ABLIM2: variants seen among roughly 807,000 people sequenced by gnomAD.
The protein encoded by ABLIM2 is actin binding LIM protein family member 2, also known as actin-binding LIM protein 2.
A neutral mutation model predicts 97.7 loss-of-function variants in ABLIM2; 53 were observed. That is an observed-to-expected ratio of 0.54 (90% confidence interval 0.44 to 0.68). ABLIM2 has a LOEUF of 0.68. Among genes scored for constraint, ABLIM2 ranks in the 30% least tolerant of loss-of-function variants. The probability of loss-of-function intolerance (pLI) is 0.00; values close to 1 mark genes in which losing one functional copy is unlikely to be tolerated. For missense variants in ABLIM2, 835 were observed against 867.2 expected (o/e 0.96, Z 0.47); for synonymous variants, 361 against 345.8 (o/e 1.04, Z -0.49).
In ABLIM2 at chr4:8,124,735, G is replaced by A. The variant is rs907131277; in HGVS notation, c.11-18098C>T. On this transcript the variant is annotated intron_variant, in intron 1 of 20. Transcript: ENST00000447017. The surrounding 1 kb of genome is among the most constrained non-coding windows in gnomAD (Gnocchi z 6.1). ...TATGAACATTCGAGTGTGAATATTC[G>A]TGTGGACATAGGTTTGCATGCTTTT... Among the ~76,000 whole-genome samples the A allele has an allele frequency of 7.2e-5, 11 of 152,300 alleles. No homozygotes were observed. Among genetic ancestry groups the A allele is most frequent in the South Asian group, 2.1e-4 (1 of 4,828 alleles).
intron 16 of ABLIM2, among the ~76,000 whole-genome samples, chr4:7,995,650 T>G (rs1752774889): frequency 6.6e-6 from 1 of 152,138 alleles, no homozygotes; most frequent in Admixed American, 6.5e-5. Context: ...GTGGAAAGGT[T>G]CCACATGGGG....
At chr4:8,020,708 C>A in intron 12 of ABLIM2, 1 of 232,444 alleles carries the variant, frequency 4.3e-6, no homozygotes, top group Non-Finnish European at 8.5e-6. Flanking sequence ...TGCTGTTTTC[C>A]TTGAGAATCT....
chr4:8,137,872 T>C (rs1295734910), intron 1 of ABLIM2, among the ~76,000 whole-genome samples: 1 of 152,214 alleles, frequency 6.6e-6, no homozygotes, highest in Non-Finnish European at 1.5e-5. Flanking sequence ...ACACCCACGT[T>C]CACAGCAGCC....
At position 8,071,940 on chromosome 4, in the gene ABLIM2, G is replaced by A. The variant is rs914667770; in HGVS notation, c.675+5688C>T. ...CACCCAGCGGGGCACCGGCACACTG[G>A]GCCGAGCATCAGGCAGTGCCACCGC... On this transcript the variant is annotated intron_variant, in intron 6 of 20. Transcript: ENST00000447017. The surrounding 1 kb of genome is among the most constrained non-coding windows in gnomAD (Gnocchi z 6.2). The A allele has an allele frequency of 3.0e-6, 3 of 985,316 alleles. No individual in the cohort carries two copies. Among genetic ancestry groups the A allele is most frequent in the Non-Finnish European group, 1.2e-6 (1 of 829,994 alleles). 61.0% of individuals were successfully genotyped at this position (985,316 alleles called of 1,614,324 possible). A position where few individuals can be genotyped will look rare whatever the true frequency, so the allele number is the denominator to read the frequency against.
In ABLIM2 at chr4:8,075,471, T is replaced by C. The variant is rs1434731340; in HGVS notation, c.675+2157A>G. 1.3e-5 allele frequency among the ~76,000 whole-genome samples: 2 copies of C among 152,162 alleles called. No individual in the cohort carries two copies. The highest frequency in any genetic ancestry group is 2.4e-5 in the African/African-American group (1 of 41,442). ...ACTTTGGGCGGTGAAGGCAGGTGAA[T>C]TGCTTAAGTTCAGGAGCTCGAGACC... On this transcript the variant is annotated intron_variant, in intron 6 of 20. Coordinates refer to ENST00000447017, the MANE Select transcript of ABLIM2 (RefSeq NM_001130083.2). This position sits in a 1 kb window ranked among gnomAD's most constrained non-coding sequence, Gnocchi z 4.4.
chr4:8,144,439 G>A (rs1851474440), intron 1 of ABLIM2, among the ~76,000 whole-genome samples: 1 of 152,230 alleles, frequency 6.6e-6, no homozygotes, highest in Non-Finnish European at 1.5e-5. Flanking sequence ...AAGGCGTGGA[G>A]GAGAATCACA....
At chr4:8,012,486 TCATC>T (rs1231789277) in intron 14 of ABLIM2, among the ~76,000 whole-genome samples, 20 of 120,690 alleles carry the variant, frequency 1.7e-4, no homozygotes, top group African/African-American at 4.1e-4. Context: ...CATCCTTCAC[TCATC>T]CATCCATCCA....
At chr4:8,070,165 G>C (rs1160683963) in intron 6 of ABLIM2, among the ~76,000 whole-genome samples, 2 of 151,910 alleles carry the variant, frequency 1.3e-5, no homozygotes, top group African/African-American at 4.8e-5. Context: ...GTGTGTGTAT[G>C]TGTGTGGCCT....
chr4:8,049,699 A>C (rs994081783), intron 8 of ABLIM2, among the ~76,000 whole-genome samples: 3 of 152,176 alleles, frequency 2.0e-5, no homozygotes, highest in African/African-American at 7.2e-5. Flanking sequence ...TACAGATATT[A>C]ACTCTTTCAA....
chr4:7,989,021 TATTTA>T (rs1383108588), intron 17 of ABLIM2, among the ~76,000 whole-genome samples: 2 of 152,026 alleles, frequency 1.3e-5, no homozygotes, highest in South Asian at 2.1e-4. Flanking sequence ...CTATTTGTAC[TATTTA>T]ATTTTTCTGT....
intron 1 of ABLIM2, among the ~76,000 whole-genome samples, chr4:8,137,206 C>G (rs1027929910): frequency 6.6e-6 from 1 of 152,334 alleles, no homozygotes; most frequent in East Asian, 1.9e-4. Flanking sequence ...ACTCCTCAGG[C>G]CCTTAGTCCC....
chr4:7,992,795 A>C lies in ABLIM2; in HGVS notation c.1680+71T>G. The C allele has an allele frequency of 6.5e-7, 1 of 1,532,696 alleles. No individual in the cohort carries two copies. Among genetic ancestry groups the C allele is most frequent in the Non-Finnish European group, 8.9e-7 (1 of 1,119,574 alleles). The allele number at this position is 1,532,696 out of a possible 1,614,324, so 94.9% of individuals were successfully genotyped here. A position where few individuals can be genotyped will look rare whatever the true frequency, so the allele number is the denominator to read the frequency against. On this transcript the variant is annotated intron_variant, in intron 17 of 20. Coordinates refer to ENST00000447017, the MANE Select transcript of ABLIM2 (RefSeq NM_001130083.2). The surrounding 1 kb of genome is among the most constrained non-coding windows in gnomAD (Gnocchi z 5.7). ...CTCTCCTCCTGCTGTGTGGTCAAGA[A>C]GCTGTGGGAAACGTGCTCAGCCTCA...
intron 9 of ABLIM2, among the ~76,000 whole-genome samples, chr4:8,041,712 C>T (rs995874336): frequency 6.6e-6 from 1 of 151,986 alleles, no homozygotes; most frequent in African/African-American, 2.4e-5. Flanking sequence ...ACCATCCTGG[C>T]TAACACGGTG....
chr4:7,999,338 G>A lies in ABLIM2; in HGVS notation c.1619-6411C>T, dbSNP rs142602686. Among the ~76,000 whole-genome samples, 7 of 152,296 alleles carry A rather than the reference G, an allele frequency of 4.6e-5. No homozygotes were observed. The highest frequency in any genetic ancestry group is 1.9e-4 in the East Asian group (1 of 5,184). ...CTCCAAAAATGCTGAGATTACAGGC[G>A]TGAGCCACTGCGCCCGGCCAAGAAT... On this transcript the variant is annotated intron_variant, in intron 16 of 20. Coordinates refer to ENST00000447017, the MANE Select transcript of ABLIM2 (RefSeq NM_001130083.2). The surrounding 1 kb of genome is among the most constrained non-coding windows in gnomAD (Gnocchi z 4.4).
chr4:8,052,810 G>C (rs1260830170), intron 8 of ABLIM2, among the ~76,000 whole-genome samples: 1 of 152,272 alleles, frequency 6.6e-6, no homozygotes, highest in African/African-American at 2.4e-5. Flanking sequence ...TGCAGGCACA[G>C]CTGCTCAAAC....
intron 1 of ABLIM2, among the ~76,000 whole-genome samples, chr4:8,153,187 G>C (rs891713256): frequency 1.3e-5 from 2 of 152,140 alleles, no homozygotes; most frequent in Non-Finnish European, 2.9e-5. Context: ...GGTCTCCCGT[G>C]ACCCAGATGA....
rs1258971465 is a variant in ABLIM2 at position 8,033,577 on chromosome 4, G to A, written c.1047+2572C>T. ...CCATGGGGTCGCACTTTATGGCTGA[G>A]AGCGGAAGCTCACACACAGGTGCCA... On this transcript the variant is annotated intron_variant, in intron 10 of 20. Transcript: ENST00000447017. This position sits in a 1 kb window ranked among gnomAD's most constrained non-coding sequence, Gnocchi z 4.5. Among the ~76,000 whole-genome samples the A allele has an allele frequency of 6.6e-6, 1 of 152,228 alleles. No individual in the cohort carries two copies. Among genetic ancestry groups the A allele is most frequent in the Non-Finnish European group, 1.5e-5 (1 of 68,044 alleles).
intron 1 of ABLIM2, among the ~76,000 whole-genome samples, chr4:8,143,170 G>GT (rs545914047): frequency 2.9e-5 from 4 of 136,162 alleles, no homozygotes. Flanking sequence ...GGGGGGGGGG[G>GT]GCGTCTGCAA....
At position 8,023,838 on chromosome 4, in the gene ABLIM2, G is replaced by A. The variant is rs1238973807; in HGVS notation, c.1268-3535C>T. Among the ~76,000 whole-genome samples the A allele has an allele frequency of 6.6e-6, 1 of 152,204 alleles. No homozygotes were observed. The highest frequency in any genetic ancestry group is 2.4e-5 in the African/African-American group (1 of 41,446). The stretch of plus-strand genomic sequence containing the variant: ...ATTATACTCTAGTTTACAATCCAAT[G>A]ACACATCCTTCATCGTGGTGCTCCC... On this transcript the variant is annotated intron_variant, in intron 12 of 20. Transcript: ENST00000447017. This position sits in a 1 kb window ranked among gnomAD's most constrained non-coding sequence, Gnocchi z 5.7.
Sources: gnomAD v4.1 joint callset for allele counts (sites outside exome capture counted in the v4.1 genomes callset) on GRCh38, gnomAD v4.1.1 for gene constraint, Gnocchi (gnomAD v3.1) non-coding constraint, MANE v1.5 for transcripts, NCBI Gene and HGNC (gene_info 2026-07-23, HGNC 2026-07-21) for gene names.